Variants in EXOC4 observed in about 807,000 individuals in gnomAD.
EXOC4 encodes SEC8-like 1.
EXOC4 carries 71 observed loss-of-function variants against 107.2 expected under a neutral mutation model. That is an observed-to-expected ratio of 0.66 (90% CI 0.55 to 0.81). The LOEUF (loss-of-function observed/expected upper bound fraction) is 0.81, where lower values mean the gene tolerates loss of function less well. EXOC4 is among the 30% of genes least tolerant of loss of function. EXOC4 has a pLI of 0.00. For missense variants in EXOC4, 1,108 were observed against 1,189.6 expected, an observed-to-expected ratio of 0.93 and a Z score of 1.01; for synonymous variants, 456 against 441.2, an observed-to-expected ratio of 1.03 and a Z score of -0.42.
At chr7:133,737,104 CATT>C (rs1795460398) in intron 10 of EXOC4, among the ~76,000 whole-genome samples, 1 of 152,216 alleles carries the variant, frequency 6.6e-6, no homozygotes, top group South Asian at 2.1e-4. Context: ...TTCCTCTAGT[CATT>C]AATCATATTC....
Position 133,857,189 on chromosome 7 carries a change from TATATATATA to T in EXOC4, c.1735-38409_1735-38401del, listed in dbSNP as rs1798409359. On this transcript the variant is annotated intron_variant, in intron 11 of 17. Coordinates refer to ENST00000253861, the MANE Select transcript of EXOC4 (RefSeq NM_021807.4). ...ATATATATATATATATATATATATATATATATATATATTTTACCTCTACTTAACCTCCCT... is the reference window on the plus strand; with the variant it reads ...ATATATATATATATATATATATATATTATTTTACCTCTACTTAACCTCCCT... Among the ~76,000 whole-genome samples the T allele has an allele frequency of 8.8e-5, 4 of 45,686 alleles. 1 individual carries two copies. The highest frequency in any genetic ancestry group is 2.6e-4 in the African/African-American group (2 of 7,842). The allele number at this position is 45,686 out of a possible 152,430, so 30.0% of individuals were successfully genotyped here.
At chr7:133,783,106 T>C (rs777818279) in intron 10 of EXOC4, among the ~76,000 whole-genome samples, 14 of 152,232 alleles carry the variant, frequency 9.2e-5, no homozygotes. Context: ...ATTCATATAA[T>C]GCCTGATATA....
chr7:133,300,589 A>T (rs888931294), intron 3 of EXOC4, among the ~76,000 whole-genome samples: 7 of 152,206 alleles, frequency 4.6e-5, no homozygotes, highest in African/African-American at 1.7e-4. Flanking sequence ...GGTTTGTATT[A>T]ACAGTTGGGA....
At chr7:133,816,344 TTTG>T (rs1417570127) in intron 10 of EXOC4, among the ~76,000 whole-genome samples, 2 of 152,180 alleles carry the variant, frequency 1.3e-5, no homozygotes, top group Non-Finnish European at 2.9e-5. Context: ...ATAAATTTAT[TTTG>T]TTATTAAAAT....
intron 9 of EXOC4, among the ~76,000 whole-genome samples, chr7:133,541,958 A>G (rs540944428): frequency 7.2e-5 from 11 of 152,222 alleles, no homozygotes; most frequent in African/African-American, 2.4e-4. Flanking sequence ...TGGTGGTCAT[A>G]CACTTTTGCT....
rs1800902320 is a variant in EXOC4, at chr7:133,566,154, C to G, written c.1418-63891C>G. Reference sequence around the variant, plus strand: ...TTGTCATGATTTTAATTGAGCTACACCTTCATGAATTTCAAATTTATAGCT... The same window carrying G: ...TTGTCATGATTTTAATTGAGCTACAGCTTCATGAATTTCAAATTTATAGCT... On this transcript the variant is annotated intron_variant, in intron 9 of 17. Transcript: ENST00000253861. 2.0e-5 allele frequency among the ~76,000 whole-genome samples: 3 copies of G among 152,226 alleles called. 1 individual carries two copies. The highest frequency in any genetic ancestry group is 4.1e-4 in the South Asian group (2 of 4,822).
chr7:133,309,160 T>C (rs1794815909), intron 4 of EXOC4, among the ~76,000 whole-genome samples: 1 of 152,304 alleles, frequency 6.6e-6, no homozygotes, highest in Non-Finnish European at 1.5e-5. Flanking sequence ...ACTTCTTTTC[T>C]AGCCCTGGGT....
chr7:133,432,734 A>G (rs7786489), intron 7 of EXOC4, among the ~76,000 whole-genome samples: 117,839 of 152,212 alleles, frequency 0.77, 46,258 homozygotes, highest in East Asian at 0.95. Context: ...TAATGCTACT[A>G]CTATTGCTTA....
chr7:133,440,144 T>C (rs1798072651), intron 7 of EXOC4, among the ~76,000 whole-genome samples: 1 of 152,120 alleles, frequency 6.6e-6, no homozygotes, highest in Admixed American at 6.5e-5. Flanking sequence ...ATAGGTAACA[T>C]TAACTACTGT....
intron 5 of EXOC4, among the ~76,000 whole-genome samples, chr7:133,343,478 T>C (rs1395867610): frequency 6.6e-6 from 1 of 152,146 alleles, no homozygotes; most frequent in Non-Finnish European, 1.5e-5. Context: ...GGTCTCCCTA[T>C]GTTGCCTAAG....
chr7:133,450,180 A>T (rs1045999192), intron 7 of EXOC4, among the ~76,000 whole-genome samples: 2 of 149,356 alleles, frequency 1.3e-5, no homozygotes. Flanking sequence ...GGTTATTATT[A>T]TTTTTTTTTT....
intron 7 of EXOC4, among the ~76,000 whole-genome samples, chr7:133,384,808 C>T (rs1796692452): frequency 1.5e-5 from 2 of 136,510 alleles, no homozygotes; most frequent in African/African-American, 2.7e-5. Flanking sequence ...GATAGTTCTT[C>T]TGATTTTTTT....
chr7:133,556,786 A>G (rs1321366113), intron 9 of EXOC4, among the ~76,000 whole-genome samples: 1 of 152,062 alleles, frequency 6.6e-6, no homozygotes, highest in Non-Finnish European at 1.5e-5. Flanking sequence ...GGAGTGGGAG[A>G]GTTCAATATC....
At chr7:133,485,773 CCTT>C (rs1799258313) in intron 9 of EXOC4, among the ~76,000 whole-genome samples, 1 of 152,072 alleles carries the variant, frequency 6.6e-6, no homozygotes, top group African/African-American at 2.4e-5. Context: ...TTTAATATCT[CCTT>C]ATTTGTAGGT....
rs531002252 is a variant in EXOC4, at chr7:133,551,757, G to A, written c.1417+71619G>A. ...TCACTTAAATTTGTCCAAGAGGTAAGCAAACTAAATAAGGAAATGAAAATA... is the reference window on the plus strand; with the variant it reads ...TCACTTAAATTTGTCCAAGAGGTAAACAAACTAAATAAGGAAATGAAAATA... On this transcript the variant is annotated intron_variant, in intron 9 of 17. Transcript: ENST00000253861. 6 of 152,088 alleles carry A rather than the reference G, an allele frequency of 3.9e-5. No homozygotes were observed. In the East Asian group the frequency reaches 1.2e-3, roughly 29 times the overall value. 9.4% of individuals were successfully genotyped at this position (152,088 alleles called of 1,614,324 possible). A position where few individuals can be genotyped will look rare whatever the true frequency, so the allele number is the denominator to read the frequency against.
At chr7:133,432,621 C>T (rs528924306) in intron 7 of EXOC4, among the ~76,000 whole-genome samples, 1 of 152,118 alleles carries the variant, frequency 6.6e-6, no homozygotes, top group Non-Finnish European at 1.5e-5. Context: ...TATGTAATAG[C>T]CAGAGCCTTT....
chr7:133,695,120 C>T (rs1794504744), intron 10 of EXOC4, among the ~76,000 whole-genome samples: 1 of 152,136 alleles, frequency 6.6e-6, no homozygotes, highest in Admixed American at 6.5e-5. Flanking sequence ...CTGCGCCCGG[C>T]CCCCACTACC....
At position 133,313,081 on chromosome 7, in the gene EXOC4, G is replaced by A. The variant is rs528756622; in HGVS notation, c.657-4203G>A. ...ATTGTATTCATTCCCTAACTATTTT[G>A]TCTTTTAAAGATTTTTTTTCTGTTT... On this transcript the variant is annotated intron_variant, in intron 4 of 17. Coordinates refer to ENST00000253861, the MANE Select transcript of EXOC4 (RefSeq NM_021807.4). Among the ~76,000 whole-genome samples the A allele has an allele frequency of 7.6e-5, 11 of 145,592 alleles. No individual in the cohort carries two copies. In the East Asian group the frequency reaches 1.8e-3, roughly 24 times the overall value.
downstream of EXOC4, among the ~76,000 whole-genome samples, chr7:134,068,422 C>T: frequency 6.6e-6 from 1 of 152,210 alleles, no homozygotes; most frequent in Non-Finnish European, 1.5e-5. Context: ...CACATTTCTC[C>T]TTGCCTACTG....
Sources: gnomAD v4.1 joint callset for allele counts (sites outside exome capture counted in the v4.1 genomes callset) on GRCh38, gnomAD v4.1.1 for gene constraint, MANE v1.5 for transcripts, NCBI Gene and HGNC (gene_info 2026-07-23, HGNC 2026-07-21) for gene names.